PIK3C3: variants seen among roughly 807,000 people sequenced by gnomAD.
PIK3C3 encodes the protein PI3-kinase type 3.
A neutral mutation model predicts 126.1 loss-of-function variants in PIK3C3; 95 were observed. The ratio of observed to expected loss-of-function variants is 0.75; its 90% CI spans 0.64 to 0.89. The LOEUF (loss-of-function observed/expected upper bound fraction) is 0.89, where lower values mean the gene tolerates loss of function less well. Ranked by LOEUF, PIK3C3 falls within the 40% of genes least tolerant of loss-of-function variation. The pLI is 0.00. For synonymous variants in PIK3C3, 374 were observed against 360.0 expected, an observed-to-expected ratio of 1.04 and a Z score of -0.44; for missense variants, 829 against 1,063.2, an observed-to-expected ratio of 0.78 and a Z score of 3.06.
At chr18:42,043,879 T>C (rs747438548) in intron 20 of PIK3C3, 62 bp downstream of exon 20, 6 of 1,023,176 alleles carry the variant, frequency 5.9e-6, no homozygotes, top group South Asian at 1.3e-5. Context: ...CATCCTGATA[T>C]TGCCATAATC....
chr18:42,036,686 A>G (rs964782838), intron 16 of PIK3C3, among the ~76,000 whole-genome samples: 29 of 151,782 alleles, frequency 1.9e-4, no homozygotes, highest in Non-Finnish European at 4.3e-4. Flanking sequence ...AGACCTTCAT[A>G]TAATTAAGGG....
chr18:41,996,321 T>C (rs1227414594), intron 8 of PIK3C3, among the ~76,000 whole-genome samples: 2 of 152,328 alleles, frequency 1.3e-5, no homozygotes, highest in East Asian at 3.9e-4. Context: ...GAGTTTATTG[T>C]GTGCACATTT....
intron 24 of PIK3C3, among the ~76,000 whole-genome samples, chr18:42,078,363 A>G (rs1333453520): frequency 1.7e-4 from 24 of 137,178 alleles, no homozygotes; most frequent in African/African-American, 3.2e-4. Context: ...CGGCCTGGGC[A>G]ACAGAGCGAG....
At chr18:42,008,998 T>C (rs1024468396) in intron 10 of PIK3C3, among the ~76,000 whole-genome samples, 28 of 152,118 alleles carry the variant, frequency 1.8e-4, no homozygotes, top group Admixed American at 9.8e-4. Flanking sequence ...AGGTAATAGA[T>C]TGAGCAGCAC....
At chr18:42,065,884 A>G (rs1409143865) in intron 23 of PIK3C3, among the ~76,000 whole-genome samples, 1 of 152,222 alleles carries the variant, frequency 6.6e-6, no homozygotes, top group East Asian at 1.9e-4. Context: ...TATAAAAGAG[A>G]ATATTTTCAT....
chr18:42,040,545 T>C, intron 18 of PIK3C3, 132 bp from the exon 19 acceptor site: 1 of 631,634 alleles, frequency 1.6e-6, no homozygotes, highest in South Asian at 2.3e-5. Flanking sequence ...TAATGTAGTG[T>C]ACACTGATCT....
In PIK3C3 at chr18:42,085,484, A is replaced by C. The variant is rs1986380273; in HGVS notation, c.*4347A>C. 6.6e-6 allele frequency: 1 copy of C among 152,190 alleles called. No homozygotes were observed. Among genetic ancestry groups the C allele is most frequent in the Non-Finnish European group, 1.5e-5 (1 of 68,030 alleles). 9.4% of individuals were successfully genotyped at this position (152,190 alleles called of 1,614,324 possible). A position where few individuals can be genotyped will look rare whatever the true frequency, so the allele number is the denominator to read the frequency against. The stretch of plus-strand genomic sequence containing the variant: ...TGAGACTAGTATTTCATACAGAAAA[A>C]GCTAATACTGATATCACACACTAAT... On this transcript the variant is annotated 3_prime_UTR_variant, in exon 25 of 25. Transcript: ENST00000262039.
chr18:42,054,554 T>G (rs1217623463), intron 21 of PIK3C3, among the ~76,000 whole-genome samples: 1 of 152,068 alleles, frequency 6.6e-6, no homozygotes, highest in Non-Finnish European at 1.5e-5. Context: ...CCAGTCAAGT[T>G]GACAGTCAGT....
intron 18 of PIK3C3, 66 bp from the exon 19 acceptor site, chr18:42,040,611 C>A: frequency 9.2e-7 from 1 of 1,091,372 alleles, no homozygotes; most frequent in Non-Finnish European, 1.4e-6. Flanking sequence ...TTATTCTTAG[C>A]AGAACCTTTA....
intron 2 of PIK3C3, among the ~76,000 whole-genome samples, chr18:41,961,509 A>G (rs906673978): frequency 6.6e-6 from 1 of 151,810 alleles, no homozygotes; most frequent in Non-Finnish European, 1.5e-5. Context: ...TCTAATTTAT[A>G]TGGCGTATAT....
In PIK3C3 at chr18:42,013,538, C is replaced by T; in HGVS notation, c.1267C>T (p.Gln423Ter). Reference protein sequence around the residue: ...NGLEPTKKDSQSSVSENVSNS... With the variant: ...NGLEPTKKDS ...ATTGGAACCTACCAAGAAGGATAGTCAGAGTTCAGTGTCAGAAAATGTGTC... is the reference window on the plus strand; with the variant it reads ...ATTGGAACCTACCAAGAAGGATAGTTAGAGTTCAGTGTCAGAAAATGTGTC... Residue 423 changes from glutamine (Q) to a stop codon, truncating the protein, a stop_gained, in exon 11 of 25, where the codon CAG (glutamine) becomes TAG (stop). Transcript: ENST00000262039. LOFTEE classifies it high-confidence loss of function. 6.2e-7 allele frequency: 1 copy of T among 1,602,690 alleles called. No individual in the cohort carries two copies. The highest frequency in any genetic ancestry group is 8.5e-7 in the Non-Finnish European group (1 of 1,173,144).
At chr18:42,039,831 T>A (rs1567995760) in intron 18 of PIK3C3, among the ~76,000 whole-genome samples, 1 of 152,168 alleles carries the variant, frequency 6.6e-6, no homozygotes, top group African/African-American at 2.4e-5. Flanking sequence ...AACATCTATT[T>A]TTACTTACTT....
chr18:42,067,786 T>C (rs937889645), intron 24 of PIK3C3, among the ~76,000 whole-genome samples: 6 of 152,236 alleles, frequency 3.9e-5, no homozygotes, highest in African/African-American at 1.4e-4. Flanking sequence ...CTCTTGAGAA[T>C]GATTTTGGAT....
Position 41,957,635 on chromosome 18 carries a change from A to G in PIK3C3, c.134A>G (p.Lys45Arg). ...GCTGTCCTGGAAGACCCAATGTTGA[A>G]GTTCTCAGGACTATATCAAGAGACA... ...YKAVLEDPML[K>R]FSGLYQETCS... The change falls in exon 2 of 25, where the codon AAG becomes AGG. Residue 45 changes from lysine to arginine, a missense_variant. Lys to Arg is a conservative substitution (Grantham distance 26). This residue lies in a region of PIK3C3 where 313 missense variants were observed against 340.7 expected (regional missense o/e 0.92). Coordinates refer to ENST00000262039, the MANE Select transcript of PIK3C3 (RefSeq NM_002647.4). The G allele has an allele frequency of 6.2e-7, 1 of 1,613,134 alleles. No individual in the cohort carries two copies. The highest frequency in any genetic ancestry group is 8.5e-7 in the Non-Finnish European group (1 of 1,179,690).
chr18:42,040,557 T>C (rs1458370736), intron 18 of PIK3C3, 120 bp from the exon 19 acceptor site: 2 of 681,704 alleles, frequency 2.9e-6, no homozygotes, highest in African/African-American at 3.7e-5. Context: ...CACTGATCTT[T>C]TTAAGTTGTT....
rs747415593 is a variant in PIK3C3 at position 41,955,320 on chromosome 18, T to C, written c.29T>C (p.Ile10Thr). The C allele has an allele frequency of 1.2e-6, 2 of 1,613,460 alleles. No individual in the cohort carries two copies. The highest frequency in any genetic ancestry group is 4.5e-5 in the East Asian group (2 of 44,830). Residue 10 changes from isoleucine to threonine, a missense_variant, in exon 1 of 25, where the codon ATC (isoleucine) becomes ACC (threonine). Ile to Thr is a moderately conservative substitution (Grantham distance 89). Around this residue, in one of 4 missense-constraint regions of PIK3C3, gnomAD observed 313 missense variants for 340.7 expected, o/e 0.92. Coordinates refer to ENST00000262039, the MANE Select transcript of PIK3C3 (RefSeq NM_002647.4). ...GGGGAAGCAGAGAAGTTTCACTACA[T>C]CTATAGTTGTGACCTGGATATCAAC... MGEAEKFHY[I>T]YSCDLDINVQ...
intron 8 of PIK3C3, among the ~76,000 whole-genome samples, chr18:41,996,254 A>G (rs917128373): frequency 2.0e-5 from 3 of 152,162 alleles, no homozygotes; most frequent in African/African-American, 4.8e-5. Flanking sequence ...GCCCTAAGAC[A>G]TTGCCTGAGA....
chr18:41,996,745 T>G lies in PIK3C3; in HGVS notation c.984+15T>G. The G allele has an allele frequency of 8.5e-7, 1 of 1,182,862 alleles. No homozygotes were observed. The highest frequency in any genetic ancestry group is 1.5e-5 in the African/African-American group (1 of 64,614). The allele number at this position is 1,182,862 out of a possible 1,614,324, so 73.3% of individuals were successfully genotyped here. A position where few individuals can be genotyped will look rare whatever the true frequency, so the allele number is the denominator to read the frequency against. On this transcript the variant is annotated intron_variant, in intron 9 of 24. Transcript: ENST00000262039. ...ATCAAGAAAAAGTGAGTGTCTTGAA[T>G]ATTTTCATATATCAAATTTATCTAC...
chr18:42,041,426 C>G (rs1984313283), intron 19 of PIK3C3, among the ~76,000 whole-genome samples: 1 of 151,020 alleles, frequency 6.6e-6, no homozygotes, highest in Admixed American at 6.6e-5. Context: ...CAACCTATTG[C>G]TCCCCTTTAA....
Sources: allele counts gnomAD v4.1 joint callset (sites outside exome capture counted in the v4.1 genomes callset), GRCh38; gene constraint gnomAD v4.1.1; regional missense constraint gnomAD v4.1.1; transcripts MANE v1.5; gene names NCBI Gene and HGNC (gene_info 2026-07-23, HGNC 2026-07-21).